Variants in RAPGEF6 observed in about 807,000 individuals in gnomAD.
The protein encoded by RAPGEF6 is Rap guanine nucleotide exchange factor 6.
A neutral mutation model predicts 171.4 loss-of-function variants in RAPGEF6; 56 were observed. The observed-to-expected ratio is 0.33, with a 90% CI of 0.26 to 0.41. The LOEUF is 0.41. Ranked by LOEUF, RAPGEF6 falls within the 10% of genes least tolerant of loss-of-function variation. RAPGEF6 has a pLI of 1.00. For synonymous variants in RAPGEF6, 692 were observed against 650.1 expected, an observed-to-expected ratio of 1.06 and a Z score of -0.98; for missense variants, 1,674 against 1,921.4, an observed-to-expected ratio of 0.87 and a Z score of 2.41.
chr5:131,583,405 A>C (rs1325704606), intron 4 of RAPGEF6, among the ~76,000 whole-genome samples: 1 of 152,258 alleles, frequency 6.6e-6, no homozygotes, highest in Non-Finnish European at 1.5e-5. Context: ...AGGCCATGCA[A>C]GGCAAGGATT....
At chr5:131,574,249 C>T (rs560458374) in intron 4 of RAPGEF6, among the ~76,000 whole-genome samples, 6 of 152,312 alleles carry the variant, frequency 3.9e-5, no homozygotes, top group Non-Finnish European at 8.8e-5. Context: ...GTCCAATTCA[C>T]ATCGCCGCTG....
At chr5:131,583,172 G>A (rs1026548178) in intron 4 of RAPGEF6, among the ~76,000 whole-genome samples, 3 of 152,050 alleles carry the variant, frequency 2.0e-5, no homozygotes, top group Non-Finnish European at 4.4e-5. Flanking sequence ...AACCCCAATC[G>A]ACTAAATGGA....
At chr5:131,513,063 C>T (rs1050709594) in intron 7 of RAPGEF6, among the ~76,000 whole-genome samples, 10 of 152,156 alleles carry the variant, frequency 6.6e-5, no homozygotes, top group South Asian at 4.1e-4. Context: ...CTGACTAGTA[C>T]GCTCTGAGTT....
At chr5:131,528,444 A>G (rs1268321378) in intron 6 of RAPGEF6, among the ~76,000 whole-genome samples, 2 of 148,920 alleles carry the variant, frequency 1.3e-5, no homozygotes, top group Non-Finnish European at 3.0e-5. Context: ...ACACCAAGAG[A>G]TCACAGCACT....
In RAPGEF6 at chr5:131,505,286, T is replaced by C. The variant is rs535777619; in HGVS notation, c.1101+78A>G. 4.4e-5 allele frequency: 62 copies of C among 1,425,158 alleles called. No homozygotes were observed. In the African/African-American group the frequency reaches 7.2e-4, roughly 17 times the overall value. 88.3% of individuals were successfully genotyped at this position (1,425,158 alleles called of 1,614,324 possible). A position where few individuals can be genotyped will look rare whatever the true frequency, so the allele number is the denominator to read the frequency against. On this transcript the variant is annotated intron_variant, in intron 10 of 27. Transcript: ENST00000509018. ...CTCCTAATTCTCAAATAAAGCTATTTTCTTTTGAGGAAGACAAAACAGGCT... is the reference window on the plus strand; with the variant it reads ...CTCCTAATTCTCAAATAAAGCTATTCTCTTTTGAGGAAGACAAAACAGGCT...
At chr5:131,530,671 T>C (rs1158622596) in intron 6 of RAPGEF6, among the ~76,000 whole-genome samples, 2 of 152,224 alleles carry the variant, frequency 1.3e-5, no homozygotes, top group Non-Finnish European at 2.9e-5. Flanking sequence ...TCCAGAATCC[T>C]GCTCATATAA....
intron 1 of RAPGEF6, among the ~76,000 whole-genome samples, chr5:131,618,321 T>G (rs1303402932): frequency 6.6e-6 from 1 of 151,900 alleles, no homozygotes; most frequent in Non-Finnish European, 1.5e-5. Flanking sequence ...CTAACAAATG[T>G]AAAAGAAATA....
At chr5:131,619,769 G>A (rs758039) in intron 1 of RAPGEF6, among the ~76,000 whole-genome samples, 1,582 of 152,198 alleles carry the variant, frequency 0.01, 19 homozygotes, top group African/African-American at 0.036. Flanking sequence ...TATCCCTTCT[G>A]TAATATGGTT....
chr5:131,447,885 T>C (rs1752823599), intron 21 of RAPGEF6, among the ~76,000 whole-genome samples: 1 of 152,166 alleles, frequency 6.6e-6, no homozygotes, highest in Non-Finnish European at 1.5e-5. Context: ...AGGCAGAAAC[T>C]ATGACAAGAC....
intron 24 of RAPGEF6, among the ~76,000 whole-genome samples, chr5:131,434,140 G>A (rs1751880917): frequency 6.6e-6 from 1 of 152,108 alleles, no homozygotes; most frequent in African/African-American, 2.4e-5. Flanking sequence ...AGGACTCAAG[G>A]GAAAGAACTA....
At chr5:131,489,117 T>C (rs6868007) in intron 15 of RAPGEF6, among the ~76,000 whole-genome samples, 101,262 of 152,054 alleles carry the variant, frequency 0.67, 34,701 homozygotes, top group Non-Finnish European at 0.77. Context: ...TCAGTTTATT[T>C]CCATAAAACA....
chr5:131,506,416 C>T (rs1757374313), intron 9 of RAPGEF6, among the ~76,000 whole-genome samples: 1 of 152,134 alleles, frequency 6.6e-6, no homozygotes, highest in African/African-American at 2.4e-5. Flanking sequence ...AAGCATGAGC[C>T]ACTGCACCTG....
At chr5:131,603,364 TTTG>T (rs774365731) in intron 2 of RAPGEF6, 37 bp from the exon 3 acceptor site, 14 of 1,381,376 alleles carry the variant, frequency 1.0e-5, no homozygotes, top group Non-Finnish European at 1.4e-5. Context: ...TATCTTACAT[TTTG>T]TTTTTAAAAT....
At chr5:131,598,002 T>C (rs1004673665) in intron 3 of RAPGEF6, among the ~76,000 whole-genome samples, 1 of 151,984 alleles carries the variant, frequency 6.6e-6, no homozygotes, top group African/African-American at 2.4e-5. Context: ...AATGTGTCGA[T>C]TAAAAAGTTA....
chr5:131,585,736 G>A (rs1763220853), intron 4 of RAPGEF6, among the ~76,000 whole-genome samples: 2 of 152,166 alleles, frequency 1.3e-5, no homozygotes, highest in Admixed American at 6.5e-5. Context: ...TGAGGCAGGA[G>A]AATAGCTTGA....
chr5:131,550,602 T>G (rs1760859808), intron 5 of RAPGEF6, among the ~76,000 whole-genome samples: 1 of 152,246 alleles, frequency 6.6e-6, no homozygotes, highest in South Asian at 2.1e-4. Flanking sequence ...AGTAACTTAT[T>G]TCTTCAATTT....
chr5:131,513,193 T>C (rs1025517701), intron 7 of RAPGEF6, among the ~76,000 whole-genome samples: 3 of 152,198 alleles, frequency 2.0e-5, no homozygotes, highest in Admixed American at 2.0e-4. Flanking sequence ...TAAATTTAAA[T>C]ATGTGTACAT....
At position 131,521,840 on chromosome 5, in the gene RAPGEF6, TACACACACACAC is replaced by T. The variant is rs3992018; in HGVS notation, c.496-331_496-320del. Reference sequence around the variant, plus strand: ...CCATTTAAGGGTAGGAATGTTACCCTACACACACACACACACACACACACACACACACACACA... The same window carrying T: ...CCATTTAAGGGTAGGAATGTTACCCTACACACACACACACACACACACACA... On this transcript the variant is annotated intron_variant, in intron 6 of 27. Transcript: ENST00000509018. Among the ~76,000 whole-genome samples the T allele has an allele frequency of 9.2e-3, 891 of 97,256 alleles. 13 individuals carry two copies. The highest frequency in any genetic ancestry group is 0.026 in the African/African-American group (786 of 29,772). 63.8% of individuals were successfully genotyped at this position (97,256 alleles called of 152,430 possible).
intron 9 of RAPGEF6, 129 bp downstream of exon 9, chr5:131,507,942 G>T: frequency 2.3e-6 from 2 of 853,836 alleles, no homozygotes; most frequent in Non-Finnish European, 3.4e-6. Context: ...CTCAAACTTG[G>T]CATTTATTTA....
Sources: gnomAD v4.1 joint callset for allele counts (sites outside exome capture counted in the v4.1 genomes callset) on GRCh38, gnomAD v4.1.1 for gene constraint, MANE v1.5 for transcripts, NCBI Gene and HGNC (gene_info 2026-07-23, HGNC 2026-07-21) for gene names.